Variants in TGM3 observed in about 807,000 individuals in gnomAD.
TGM3 encodes transglutaminase 3.
Under a neutral mutation model 73.8 loss-of-function variants are expected in TGM3, and 52 were observed. That is an observed-to-expected ratio of 0.70 (90% CI 0.56 to 0.89). The LOEUF is 0.89. Among genes scored for constraint, TGM3 ranks in the 40% least tolerant of loss-of-function variants. The probability of loss-of-function intolerance (pLI) is 0.00; values close to 1 mark genes in which losing one functional copy is unlikely to be tolerated. For missense variants in TGM3, 928 were observed against 909.9 expected, an observed-to-expected ratio of 1.02 and a Z score of -0.26; for synonymous variants, 372 against 354.9, an observed-to-expected ratio of 1.05 and a Z score of -0.54.
chr20:2,330,087 C>T (rs913050628), intron 9 of TGM3, among the ~76,000 whole-genome samples: 1 of 152,128 alleles, frequency 6.6e-6, no homozygotes, highest in Non-Finnish European at 1.5e-5. Context: ...CCCAGCAATG[C>T]CCCAGCCCTT....
intron 12 of TGM3, 98 bp downstream of exon 12, chr20:2,340,085 T>C: frequency 7.0e-7 from 1 of 1,433,260 alleles, no homozygotes; most frequent in Non-Finnish European, 9.5e-7. Context: ...CCCTCTGACC[T>C]TGGGTTCTTT....
chr20:2,329,830 T>C (rs1202342274), intron 9 of TGM3, among the ~76,000 whole-genome samples: 2 of 152,212 alleles, frequency 1.3e-5, no homozygotes, highest in Admixed American at 6.5e-5. Context: ...GTGCAATGCC[T>C]GGCATATAGT....
At chr20:2,318,650 TAC>T (rs752851098) in intron 7 of TGM3, among the ~76,000 whole-genome samples, 1 of 152,186 alleles carries the variant, frequency 6.6e-6, no homozygotes, top group Non-Finnish European at 1.5e-5. Context: ...TTTCAAAGGC[TAC>T]ACACACACAT....
intron 9 of TGM3, among the ~76,000 whole-genome samples, chr20:2,330,418 G>A (rs912679537): frequency 6.6e-6 from 1 of 152,210 alleles, no homozygotes; most frequent in Admixed American, 6.5e-5. Flanking sequence ...GGATGGGAAG[G>A]CATCAAAAGG....
At chr20:2,311,230 G>T (rs776032319) in intron 4 of TGM3, 101 bp downstream of exon 4, 128 of 957,284 alleles carry the variant, frequency 1.3e-4, no homozygotes, top group Non-Finnish European at 2.1e-4. Context: ...CTGTCCATCT[G>T]CCTGCCCTTC....
At position 2,335,278 on chromosome 20, in the gene TGM3, T is replaced by C. The variant is rs1384674834; in HGVS notation, c.1800+5T>C. The C allele has an allele frequency of 1.9e-6, 3 of 1,613,392 alleles. No individual in the cohort carries two copies. Among genetic ancestry groups the C allele is most frequent in the Non-Finnish European group, 2.5e-6 (3 of 1,179,604 alleles). On this transcript the variant is annotated splice_donor_5th_base_variant and intron_variant, in intron 11 of 12. Coordinates refer to ENST00000381458, the MANE Select transcript of TGM3 (RefSeq NM_003245.4). ...AACCCCACCTTGACCCTGGAGGTAATGGGGCTCCCCATCCTGTGGGAAGGG... is the reference window on the plus strand; with the variant it reads ...AACCCCACCTTGACCCTGGAGGTAACGGGGCTCCCCATCCTGTGGGAAGGG...
chr20:2,328,434 G>A lies in TGM3; in HGVS notation c.1333+69G>A, dbSNP rs1337265522. ...GTGGGAGGATGGCTCTGAGGCTGGA[G>A]AGGAGAAAAGTCCTCACCTCCCCCG... On this transcript the variant is annotated intron_variant, in intron 9 of 12. Transcript: ENST00000381458. The surrounding 1 kb of genome is among the most constrained non-coding windows in gnomAD (Gnocchi z 5.2). The A allele has an allele frequency of 9.4e-6, 15 of 1,589,676 alleles. No homozygotes were observed. The East Asian group carries it at 2.5e-4, about 26-fold the overall frequency.
intron 12 of TGM3, among the ~76,000 whole-genome samples, 187 bp from the exon 13 acceptor site, chr20:2,340,247 C>T (rs2084374017): frequency 6.6e-6 from 1 of 152,190 alleles, no homozygotes; most frequent in African/African-American, 2.4e-5. Flanking sequence ...CCCCCCCCTC[C>T]TGCTTCCCCT....
chr20:2,340,033 C>CGGGAGGGGGTGGGGGG, intron 12 of TGM3, 46 bp downstream of exon 12: 1 of 196,588 alleles, frequency 5.1e-6, no homozygotes, highest in Non-Finnish European at 9.7e-6. Context: ...CGGGAGGGGG[C>CGGGAGGGGGTGGGGGG]GGGGGGGCCC....
At chr20:2,308,286 A>G (rs960721984) in intron 1 of TGM3, among the ~76,000 whole-genome samples, 1 of 152,180 alleles carries the variant, frequency 6.6e-6, no homozygotes, top group Non-Finnish European at 1.5e-5. Flanking sequence ...GACACAAATA[A>G]AAAAGAGCTG....
At chr20:2,309,981 G>T (rs1359004953) in intron 2 of TGM3, 151 bp downstream of exon 2, 13 of 1,359,496 alleles carry the variant, frequency 9.6e-6, no homozygotes, top group Non-Finnish European at 1.3e-5. Context: ...GCAAGTTGCT[G>T]TCCATCTCTG....
intron 11 of TGM3, among the ~76,000 whole-genome samples, chr20:2,335,493 T>C (rs1418589838): frequency 1.3e-5 from 2 of 152,214 alleles, no homozygotes; most frequent in African/African-American, 4.8e-5. Context: ...TCTGGTGAGA[T>C]AAACGCGTGC....
intron 7 of TGM3, among the ~76,000 whole-genome samples, chr20:2,320,000 A>G (rs2084254527): frequency 6.6e-6 from 1 of 152,166 alleles, no homozygotes; most frequent in South Asian, 2.1e-4. Flanking sequence ...AGCCCACTCC[A>G]CTTTCTATAA....
In TGM3 at chr20:2,325,917, A is replaced by T; in HGVS notation, c.1052A>T (p.Gln351Leu). 6.3e-7 allele frequency: 1 copy of T among 1,595,582 alleles called. No homozygotes were observed. Among genetic ancestry groups the T allele is most frequent in the Non-Finnish European group, 8.5e-7 (1 of 1,169,976 alleles). ...CTGGGCCCCTCGTACGGTGGATGGC[A>T]GGTGTTGGATGCTACCCCGCAGGAA... The part of the protein sequence containing the change: ...SDLGPSYGGW[Q>L]VLDATPQERS... The change falls in exon 8 of 13, where the codon CAG (glutamine) becomes CTG (leucine). Residue 351 changes from glutamine to leucine, a missense_variant. Gln to Leu is a moderately radical substitution (Grantham distance 113, BLOSUM62 -2). Coordinates refer to ENST00000381458, the MANE Select transcript of TGM3 (RefSeq NM_003245.4).
chr20:2,314,651 T>C (rs954725005), intron 5 of TGM3, among the ~76,000 whole-genome samples: 5 of 150,916 alleles, frequency 3.3e-5, no homozygotes, highest in African/African-American at 1.2e-4. Context: ...AGTCCGTTAG[T>C]TGCAGGCTGC....
In TGM3 at chr20:2,340,460, G is replaced by A. The variant is rs768648674; in HGVS notation, c.1961G>A (p.Gly654Glu). The A allele has an allele frequency of 3.1e-5, 50 of 1,613,884 alleles. No individual in the cohort carries two copies. Among genetic ancestry groups the A allele is most frequent in the Middle Eastern group, 1.6e-4 (1 of 6,082 alleles). The part of the protein sequence containing the change: ...IDVPTLGPKE[G>E]SRVRFDILPS... ...GTGCCGACCCTAGGGCCCAAGGAGG[G>A]GTCCCGGGTCCGTTTTGATATCCTG... The change falls in exon 13 of 13, where the codon GGG becomes GAG. Residue 654 changes from glycine (G) to glutamate (E), a missense_variant. Coordinates refer to ENST00000381458, the MANE Select transcript of TGM3 (RefSeq NM_003245.4).
At chr20:2,312,128 A>G (rs1278280043) in intron 4 of TGM3, among the ~76,000 whole-genome samples, 2 of 152,162 alleles carry the variant, frequency 1.3e-5, no homozygotes, top group African/African-American at 2.4e-5. Context: ...GGCCAGGTGC[A>G]GTGGCTCACG....
rs1296707121 is a variant in TGM3 at position 2,317,116 on chromosome 20, A to G, written c.718A>G (p.Thr240Ala). Reference protein sequence around the residue: ...NGVLAGNWSGTYTGGRDPRSW... With the variant: ...NGVLAGNWSGAYTGGRDPRSW... ...TGTGCTTGCTGGGAATTGGAGCGGCACTTACACCGGTGGCCGGGACCCAAG... is the reference window on the plus strand; with the variant it reads ...TGTGCTTGCTGGGAATTGGAGCGGCGCTTACACCGGTGGCCGGGACCCAAG... Residue 240 changes from threonine (T) to alanine (A), a missense_variant, in exon 6 of 13, where the codon ACT becomes GCT. Transcript: ENST00000381458. 1.2e-6 allele frequency: 2 copies of G among 1,613,856 alleles called. No homozygotes were observed. The highest frequency in any genetic ancestry group is 1.7e-6 in the Non-Finnish European group (2 of 1,180,006).
Position 2,332,369 on chromosome 20 carries a change from G to A in TGM3, c.1642+59G>A. The A allele has an allele frequency of 6.8e-7, 1 of 1,473,200 alleles. No individual in the cohort carries two copies. Among genetic ancestry groups the A allele is most frequent in the Non-Finnish European group, 9.0e-7 (1 of 1,107,892 alleles). 91.3% of individuals were successfully genotyped at this position (1,473,200 alleles called of 1,614,324 possible). A position where few individuals can be genotyped will look rare whatever the true frequency, so the allele number is the denominator to read the frequency against. ...ATCCGAGGTAGCCAATGGCCTTCTGGGGCTGCAGGGTGTCTGCTGGGCTCC... is the reference window on the plus strand; with the variant it reads ...ATCCGAGGTAGCCAATGGCCTTCTGAGGCTGCAGGGTGTCTGCTGGGCTCC... On this transcript the variant is annotated intron_variant, in intron 10 of 12. Transcript: ENST00000381458. The surrounding 1 kb of genome is among the most constrained non-coding windows in gnomAD (Gnocchi z 4.4).
Sources: allele counts gnomAD v4.1 joint callset (sites outside exome capture counted in the v4.1 genomes callset), GRCh38; gene constraint gnomAD v4.1.1; non-coding constraint Gnocchi (gnomAD v3.1); transcripts MANE v1.5; gene names NCBI Gene and HGNC (gene_info 2026-07-23, HGNC 2026-07-21).